The following ARHGAP6 variants were observed in gnomAD, a reference collection of about 807,000 sequenced individuals.
The protein encoded by ARHGAP6 is Rho GTPase activating protein 6.
In ARHGAP6, 16 loss-of-function variants were observed where a neutral mutation model predicts 55.7. The ratio of observed to expected loss-of-function variants is 0.29; its 90% confidence interval spans 0.19 to 0.44. The LOEUF is 0.44. ARHGAP6 is among the 20% of genes least tolerant of loss of function. ARHGAP6 has a pLI of 1.00. For synonymous variants in ARHGAP6, 382 were observed against 360.9 expected, an observed-to-expected ratio of 1.06 and a Z score of -0.66; for missense variants, 698 against 808.9, an observed-to-expected ratio of 0.86 and a Z score of 1.66.
rs370062837 is a variant in ARHGAP6 at position 11,460,298 on chromosome X, A to C, written c.588+203943T>G. 2.1e-4 allele frequency among the ~76,000 whole-genome samples: 23 copies of C among 111,591 alleles called. No homozygotes were observed. In the East Asian group the frequency reaches 6.0e-3, roughly 29 times the overall value. ...GTGCAACCCCTGGCTGACAGCTGGC[A>C]AGAAAAGGGTATCTTATTTCTGCAA... On this transcript the variant is annotated intron_variant, in intron 1 of 12. Coordinates refer to ENST00000337414, the MANE Select transcript of ARHGAP6 (RefSeq NM_013427.3).
At chrX:11,427,456 G>A in intron 1 of ARHGAP6, 1 of 896,217 alleles carries the variant, frequency 1.1e-6, no homozygotes, top group Non-Finnish European at 1.4e-6. Flanking sequence ...GTGGACCTGT[G>A]GGGAGCCCCG....
At position 11,230,491 on chromosome X, in the gene ARHGAP6, C is replaced by T. The variant is rs753134160; in HGVS notation, c.748+24057G>A. Among the ~76,000 whole-genome samples, 6 of 111,215 alleles carry T rather than the reference C, an allele frequency of 5.4e-5. No homozygotes were observed. The South Asian group carries it at 1.1e-3, about 21-fold the overall frequency. ...GATTACAGGCATGAGCCACCGCGCC[C>T]GGCCAAAAGTTGATATTTATGTCAC... On this transcript the variant is annotated intron_variant, in intron 2 of 12. Transcript: ENST00000337414.
intron 1 of ARHGAP6, among the ~76,000 whole-genome samples, chrX:11,331,065 C>T (rs2147634419): frequency 8.9e-6 from 1 of 111,832 alleles, no homozygotes; most frequent in Non-Finnish European, 1.9e-5. Context: ...ATCCCTTTTC[C>T]CCAAGATAGA....
At chrX:11,506,401 C>G (rs1031393248) in intron 1 of ARHGAP6, among the ~76,000 whole-genome samples, 1 of 110,086 alleles carries the variant, frequency 9.1e-6, no homozygotes, top group East Asian at 2.9e-4. Context: ...GCCCCCCACC[C>G]CACGACAGGC....
rs73497049 is a variant in ARHGAP6 at position 11,542,094 on chromosome X, T to C, written c.588+122147A>G. ...AAGCCCTACTTTTTTTTTTTTTTTT[T>C]CTCACTCCCAAGAGGAGAAGACAAC... On this transcript the variant is annotated intron_variant, in intron 1 of 12. Transcript: ENST00000337414. Among the ~76,000 whole-genome samples the C allele has an allele frequency of 7.0e-3, 763 of 109,608 alleles. 8 individuals carry two copies. The highest frequency in any genetic ancestry group is 0.024 in the African/African-American group (726 of 30,059).
chrX:11,169,416 A>T, intron 9 of ARHGAP6, 89 bp downstream of exon 9: 1 of 938,147 alleles, frequency 1.1e-6, no homozygotes, highest in Non-Finnish European at 1.4e-6. Context: ...ACTGCACCCC[A>T]GAGGGTGGTC....
intron 1 of ARHGAP6, among the ~76,000 whole-genome samples, chrX:11,364,553 C>T (rs1346388898): frequency 9.0e-6 from 1 of 110,624 alleles, no homozygotes; most frequent in Non-Finnish European, 1.9e-5. Context: ...GTAGATGACC[C>T]ATCCCGGCTC....
chrX:11,267,147 A>G lies in ARHGAP6; in HGVS notation c.589-12440T>C, dbSNP rs1006569572. On this transcript the variant is annotated intron_variant, in intron 1 of 12. Coordinates refer to ENST00000337414, the MANE Select transcript of ARHGAP6 (RefSeq NM_013427.3). ...CAATGGAAGTTACATCCTCATTTAA[A>G]GATATCTAATATCTTAATATCAATA... Among the ~76,000 whole-genome samples the G allele has an allele frequency of 1.3e-4, 15 of 112,281 alleles. 1 individual carries two copies. The highest frequency in any genetic ancestry group is 4.7e-4 in the Admixed American group (5 of 10,598).
intron 1 of ARHGAP6, among the ~76,000 whole-genome samples, chrX:11,365,479 A>G (rs1019399591): frequency 1.8e-5 from 2 of 112,525 alleles, no homozygotes; most frequent in Non-Finnish European, 3.8e-5. Flanking sequence ...AGAGACATAG[A>G]AGATCAATCA....
intron 1 of ARHGAP6, among the ~76,000 whole-genome samples, chrX:11,396,940 T>C (rs2049484204): frequency 9.0e-6 from 1 of 111,498 alleles, no homozygotes; most frequent in Non-Finnish European, 1.9e-5. Flanking sequence ...TTAAAACATA[T>C]ACACACACAA....
At chrX:11,291,787 G>T (rs895793278) in intron 1 of ARHGAP6, among the ~76,000 whole-genome samples, 1 of 111,317 alleles carries the variant, frequency 9.0e-6, no homozygotes, top group African/African-American at 3.3e-5. Flanking sequence ...TTGGCTTTTA[G>T]AATCATATTC....
chrX:11,473,657 T>C (rs1320884985), intron 1 of ARHGAP6, among the ~76,000 whole-genome samples: 3 of 111,758 alleles, frequency 2.7e-5, no homozygotes, highest in Non-Finnish European at 5.7e-5. Context: ...ATCATGGCAC[T>C]GCTGACACTT....
At chrX:11,457,124 G>C (rs2050200793) in intron 1 of ARHGAP6, among the ~76,000 whole-genome samples, 1 of 111,937 alleles carries the variant, frequency 8.9e-6, no homozygotes. Context: ...ACTGTGATAG[G>C]TCTGAAATTT....
intron 1 of ARHGAP6, among the ~76,000 whole-genome samples, chrX:11,399,798 T>G (rs969353490): frequency 8.9e-6 from 1 of 112,041 alleles, no homozygotes; most frequent in Non-Finnish European, 1.9e-5. Flanking sequence ...ACAGCATTAT[T>G]CATAATAGCT....
At chrX:11,401,057 G>T (rs2049542455) in intron 1 of ARHGAP6, among the ~76,000 whole-genome samples, 1 of 112,037 alleles carries the variant, frequency 8.9e-6, no homozygotes, top group Non-Finnish European at 1.9e-5. Flanking sequence ...AAAATACTCT[G>T]CTTGGCCTTG....
chrX:11,489,599 T>C, intron 1 of ARHGAP6, among the ~76,000 whole-genome samples: 1 of 112,291 alleles, frequency 8.9e-6, no homozygotes, highest in Admixed American at 9.5e-5. Context: ...ATAACAGGCA[T>C]GTGGATCAAA....
chrX:11,394,715 A>AT (rs925789470), intron 1 of ARHGAP6, among the ~76,000 whole-genome samples: 6 of 110,670 alleles, frequency 5.4e-5, no homozygotes, highest in African/African-American at 1.6e-4. Flanking sequence ...AATAAACATC[A>AT]TTTTTTTGTT....
chrX:11,169,855 T>C (rs1236147102), intron 8 of ARHGAP6, among the ~76,000 whole-genome samples, 171 bp from the exon 9 acceptor site: 1 of 110,646 alleles, frequency 9.0e-6, no homozygotes, highest in Non-Finnish European at 1.9e-5. Flanking sequence ...TTTGCTTTAA[T>C]ATCTTGGATT....
At chrX:11,143,423 G>T in intron 11 of ARHGAP6, 1 of 329,521 alleles carries the variant, frequency 3.0e-6, no homozygotes, top group Non-Finnish European at 4.0e-6. Flanking sequence ...TTCACAGCAG[G>T]AGGAAATGGG....
Sources: gnomAD v4.1 joint callset for allele counts (sites outside exome capture counted in the v4.1 genomes callset) on GRCh38, gnomAD v4.1.1 for gene constraint, MANE v1.5 for transcripts, NCBI Gene and HGNC (gene_info 2026-07-23, HGNC 2026-07-21) for gene names.